The following KIF1B variants were observed in gnomAD, a reference collection of about 807,000 sequenced individuals.
The protein encoded by KIF1B is kinesin-like protein KIF1B.
KIF1B carries 76 observed loss-of-function variants against 241.9 expected under a neutral mutation model. The observed-to-expected ratio is 0.31, with a 90% CI of 0.26 to 0.38. The LOEUF is 0.38. Ranked by LOEUF, KIF1B falls within the 10% of genes least tolerant of loss-of-function variation. The pLI is 1.00. For missense variants in KIF1B, 1,622 were observed against 2,271.4 expected (o/e 0.71, Z 5.81); for synonymous variants, 750 against 796.7 (o/e 0.94, Z 0.99).
intron 48 of KIF1B, among the ~76,000 whole-genome samples, chr1:10,375,827 T>C (rs1279807803): frequency 7.0e-6 from 1 of 143,138 alleles, no homozygotes; most frequent in Non-Finnish European, 1.5e-5. Flanking sequence ...GAGTTTTTGC[T>C]CTTGTGTGGC....
chr1:10,270,858 G>T (rs540394509), intron 7 of KIF1B, among the ~76,000 whole-genome samples: 12 of 151,596 alleles, frequency 7.9e-5, no homozygotes, highest in Non-Finnish European at 1.5e-4. Flanking sequence ...CCCAGGAGGT[G>T]GAGGTTGCAG....
intron 37 of KIF1B, among the ~76,000 whole-genome samples, chr1:10,351,053 A>C (rs945750304): frequency 7.0e-6 from 1 of 142,898 alleles, no homozygotes; most frequent in Non-Finnish European, 1.5e-5. Flanking sequence ...ATGCCACTGC[A>C]TGACAGAACA....
chr1:10,213,227 G>A (rs1431866950), intron 1 of KIF1B, among the ~76,000 whole-genome samples: 1 of 151,978 alleles, frequency 6.6e-6, no homozygotes, highest in Non-Finnish European at 1.5e-5. Flanking sequence ...GGTAAAATCA[G>A]ACCTGATTGT....
At chr1:10,214,276 C>CTTCTTTCT (rs544003990) in intron 1 of KIF1B, among the ~76,000 whole-genome samples, 2 of 151,686 alleles carry the variant, frequency 1.3e-5, no homozygotes, top group Non-Finnish European at 2.9e-5. Flanking sequence ...CACTTTACCA[C>CTTCTTTCT]TTCTTTCTTT....
intron 3 of KIF1B, among the ~76,000 whole-genome samples, chr1:10,256,788 T>C (rs1175203565): frequency 6.6e-6 from 1 of 151,918 alleles, no homozygotes; most frequent in Non-Finnish European, 1.5e-5. Context: ...CTTGGCTCAC[T>C]GCAACCTCCG....
At chr1:10,212,882 GCGTGTGT>G (rs1244267601) in intron 1 of KIF1B, among the ~76,000 whole-genome samples, 2 of 88,290 alleles carry the variant, frequency 2.3e-5, no homozygotes, top group African/African-American at 8.4e-5. Flanking sequence ...GTGTGTGCAT[GCGTGTGT>G]GTATATATAT....
intron 22 of KIF1B, chr1:10,305,670 A>G (rs1331925894): frequency 1.9e-6 from 2 of 1,057,312 alleles, no homozygotes; most frequent in African/African-American, 1.7e-5. Context: ...TAGCATTAGT[A>G]ATGCTTGTAG....
intron 44 of KIF1B, among the ~76,000 whole-genome samples, chr1:10,369,187 T>G (rs1018250445): frequency 6.6e-6 from 1 of 152,250 alleles, no homozygotes; most frequent in Non-Finnish European, 1.5e-5. Context: ...CTTTATTTTT[T>G]GCTATAGCAC....
intron 1 of KIF1B, among the ~76,000 whole-genome samples, chr1:10,220,204 C>CAA (rs36083785): frequency 6.6e-5 from 7 of 105,766 alleles, no homozygotes; most frequent in South Asian, 6.0e-4. Flanking sequence ...AACTCCGTCT[C>CAA]AAAAAAAAAA....
intron 3 of KIF1B, 72 bp from the exon 4 acceptor site, chr1:10,258,421 T>C: frequency 6.7e-7 from 1 of 1,487,386 alleles, no homozygotes; most frequent in South Asian, 1.2e-5. Flanking sequence ...ACTTTTATTA[T>C]GGAAGCAATC....
chr1:10,213,049 C>T (rs1298793563), intron 1 of KIF1B, among the ~76,000 whole-genome samples: 1 of 151,272 alleles, frequency 6.6e-6, no homozygotes, highest in Non-Finnish European at 1.5e-5. Context: ...AATGTAACTT[C>T]AACAGAAACT....
intron 45 of KIF1B, 70 bp downstream of exon 45, chr1:10,371,332 C>T: frequency 6.3e-7 from 1 of 1,576,050 alleles, no homozygotes; most frequent in Non-Finnish European, 8.7e-7. Flanking sequence ...TCCTCTAGCT[C>T]AATGGTTCTT....
Position 10,234,466 on chromosome 1 carries a change from C to T in KIF1B, c.106+2032C>T, listed in dbSNP as rs564166051. ...CAAGTGATCCACCTGCCTTGGCCTC[C>T]CAGAGTGCTGGGATTATAGGCATGA... On this transcript the variant is annotated intron_variant, in intron 2 of 48. Transcript: ENST00000676179. 1.6e-4 allele frequency among the ~76,000 whole-genome samples: 25 copies of T among 151,572 alleles called. No homozygotes were observed. The South Asian group carries it at 2.5e-3, about 15-fold the overall frequency.
chr1:10,231,584 A>T (rs191637047), intron 1 of KIF1B, among the ~76,000 whole-genome samples: 3 of 151,472 alleles, frequency 2.0e-5, no homozygotes, highest in African/African-American at 7.3e-5. Flanking sequence ...ATGGGGTTTT[A>T]CCATGTTGGC....
intron 1 of KIF1B, among the ~76,000 whole-genome samples, chr1:10,215,163 T>C (rs1232636918): frequency 1.4e-5 from 1 of 71,142 alleles, no homozygotes; most frequent in Non-Finnish European, 2.4e-5. Flanking sequence ...TATATATATA[T>C]ATATATATAT....
Position 10,230,554 on chromosome 1 carries a change from G to A in KIF1B, c.-79-1696G>A, listed in dbSNP as rs553287237. ...GGGTTCAAGTGATTCTCCTGCCTCA[G>A]CCTCCTGAATAGCTGGGATTACAGG... On this transcript the variant is annotated intron_variant, in intron 1 of 48. Coordinates refer to ENST00000676179, the MANE Select transcript of KIF1B (RefSeq NM_001365951.3). Among the ~76,000 whole-genome samples, 3 of 151,736 alleles carry A rather than the reference G, an allele frequency of 2.0e-5. No individual in the cohort carries two copies. In the South Asian group the frequency reaches 6.2e-4, roughly 32 times the overall value.
At chr1:10,233,298 G>T (rs1029087683) in intron 2 of KIF1B, among the ~76,000 whole-genome samples, 1 of 152,056 alleles carries the variant, frequency 6.6e-6, no homozygotes, top group Non-Finnish European at 1.5e-5. Flanking sequence ...GACAGATAAG[G>T]GCTTGCAACA....
intron 1 of KIF1B, among the ~76,000 whole-genome samples, chr1:10,213,052 CAG>C (rs1274971277): frequency 1.3e-5 from 2 of 151,630 alleles, no homozygotes; most frequent in Non-Finnish European, 2.9e-5. Context: ...GTAACTTCAA[CAG>C]AAACTAGTGT....
intron 2 of KIF1B, among the ~76,000 whole-genome samples, chr1:10,239,942 A>G (rs550998568): frequency 1.1e-4 from 17 of 151,514 alleles, no homozygotes; most frequent in African/African-American, 3.9e-4. Flanking sequence ...ATTTTTTTGT[A>G]TTTTTAGTAG....
Sources: gnomAD v4.1 joint callset for allele counts (sites outside exome capture counted in the v4.1 genomes callset) on GRCh38, gnomAD v4.1.1 for gene constraint, MANE v1.5 for transcripts, NCBI Gene and HGNC (gene_info 2026-07-23, HGNC 2026-07-21) for gene names.